CDK19: variants seen among roughly 807,000 people sequenced by gnomAD.
CDK19 encodes the protein cyclin-dependent kinase 19.
CDK19 carries 20 observed loss-of-function variants against 68.3 expected under a neutral mutation model. That is an observed-to-expected ratio of 0.29 (90% CI 0.21 to 0.43). The LOEUF (loss-of-function observed/expected upper bound fraction) is 0.43, where lower values mean the gene tolerates loss of function less well. Among genes scored for constraint, CDK19 ranks in the 20% least tolerant of loss-of-function variants. The pLI is 1.00. For missense variants in CDK19, 339 were observed against 623.5 expected, an observed-to-expected ratio of 0.54 and a Z score of 4.86; for synonymous variants, 221 against 222.8, an observed-to-expected ratio of 0.99 and a Z score of 0.07.
At chr6:110,624,114 T>C (rs1301066481) in intron 8 of CDK19, among the ~76,000 whole-genome samples, 1 of 151,888 alleles carries the variant, frequency 6.6e-6, no homozygotes, top group African/African-American at 2.4e-5. Flanking sequence ...TTATAAAAAG[T>C]TGAAAGACAA....
At chr6:110,663,528 A>G (rs1049171474) in intron 4 of CDK19, among the ~76,000 whole-genome samples, 10 of 149,514 alleles carry the variant, frequency 6.7e-5, no homozygotes, top group Admixed American at 4.6e-4. Flanking sequence ...CTGTTGGTTC[A>G]AAGTTTCTTT....
chr6:110,787,491 G>A (rs1391018300), intron 1 of CDK19, among the ~76,000 whole-genome samples: 1 of 152,142 alleles, frequency 6.6e-6, no homozygotes, highest in Non-Finnish European at 1.5e-5. Context: ...CTGTCACCCA[G>A]GCTGGAGTGC....
At chr6:110,615,699 C>T (rs115248209) in intron 12 of CDK19, among the ~76,000 whole-genome samples, 55 of 152,288 alleles carry the variant, frequency 3.6e-4, no homozygotes, top group African/African-American at 1.3e-3. Context: ...CATCCCAAAA[C>T]TAAACTGCCT....
At chr6:110,727,467 T>G (rs1180854976) in intron 2 of CDK19, among the ~76,000 whole-genome samples, 2 of 152,146 alleles carry the variant, frequency 1.3e-5, no homozygotes, top group African/African-American at 2.4e-5. Context: ...TTCAAAAATG[T>G]GTCTTATCTT....
chr6:110,785,840 C>T (rs1583098273), intron 1 of CDK19, among the ~76,000 whole-genome samples: 1 of 151,986 alleles, frequency 6.6e-6, no homozygotes, highest in Non-Finnish European at 1.5e-5. Context: ...ATCAGCCAGG[C>T]GTGCTGGCAC....
At chr6:110,732,106 A>G (rs1194744553) in intron 2 of CDK19, among the ~76,000 whole-genome samples, 1 of 135,262 alleles carries the variant, frequency 7.4e-6, no homozygotes, top group Non-Finnish European at 1.6e-5. Flanking sequence ...AAACTGCGCC[A>G]TCTAGCTAAC....
intron 2 of CDK19, among the ~76,000 whole-genome samples, chr6:110,716,270 C>T (rs6568654): frequency 0.97 from 147,172 of 152,232 alleles, 71,321 homozygotes; most frequent in Middle Eastern, 1. Context: ...TATTAGAGTA[C>T]GTAGCATGAT....
At chr6:110,767,064 T>C (rs1238486902) in intron 1 of CDK19, among the ~76,000 whole-genome samples, 2 of 151,456 alleles carry the variant, frequency 1.3e-5, no homozygotes, top group Admixed American at 6.6e-5. Context: ...AACCAGAAGG[T>C]GGAGGTTGCA....
chr6:110,810,500 T>A (rs1783004262), intron 1 of CDK19, among the ~76,000 whole-genome samples: 1 of 152,054 alleles, frequency 6.6e-6, no homozygotes, highest in African/African-American at 2.4e-5. Context: ...CATGGCCAGG[T>A]AAGGTGGCTC....
At chr6:110,646,257 C>T (rs1453103691) in intron 4 of CDK19, 4 of 1,502,124 alleles carry the variant, frequency 2.7e-6, no homozygotes, top group Admixed American at 4.2e-5. Context: ...GTTCCACACA[C>T]ATAGTTGCGT....
At chr6:110,718,402 GA>G (rs1169772995) in intron 2 of CDK19, among the ~76,000 whole-genome samples, 3 of 152,148 alleles carry the variant, frequency 2.0e-5, no homozygotes, top group Admixed American at 6.5e-5. Flanking sequence ...CTATGTCAGT[GA>G]AAACAAGACT....
At chr6:110,802,629 T>C (rs1782419738) in intron 1 of CDK19, among the ~76,000 whole-genome samples, 1 of 152,174 alleles carries the variant, frequency 6.6e-6, no homozygotes, top group African/African-American at 2.4e-5. Flanking sequence ...CATTATGCAA[T>C]ATACCCATGT....
intron 4 of CDK19, among the ~76,000 whole-genome samples, chr6:110,660,177 AT>A (rs1781532204): frequency 6.6e-6 from 1 of 152,156 alleles, no homozygotes; most frequent in Non-Finnish European, 1.5e-5. Flanking sequence ...GTGAAACAGG[AT>A]ATTTCCCTGA....
At chr6:110,710,172 A>G (rs924987317) in intron 2 of CDK19, among the ~76,000 whole-genome samples, 13 of 152,234 alleles carry the variant, frequency 8.5e-5, no homozygotes, top group African/African-American at 3.1e-4. Context: ...AAAAGTAGTC[A>G]TTTATAACAA....
chr6:110,738,102 T>C (rs1690209437), intron 2 of CDK19, among the ~76,000 whole-genome samples: 2 of 152,232 alleles, frequency 1.3e-5, no homozygotes, highest in African/African-American at 4.8e-5. Context: ...TTTGATTTTG[T>C]CCCTTTCACA....
At chr6:110,772,569 C>T (rs1157947064) in intron 1 of CDK19, among the ~76,000 whole-genome samples, 2 of 152,152 alleles carry the variant, frequency 1.3e-5, no homozygotes, top group Non-Finnish European at 2.9e-5. Context: ...CAGAATCTAT[C>T]TAAAAACTAG....
intron 5 of CDK19, 126 bp from the exon 6 acceptor site, chr6:110,632,287 C>G: frequency 1.5e-6 from 1 of 673,948 alleles, no homozygotes; most frequent in South Asian, 2.0e-5. Flanking sequence ...ACAATAGCTG[C>G]TGACCTTATA....
chr6:110,784,661 T>C (rs1236170010), intron 1 of CDK19, among the ~76,000 whole-genome samples: 1 of 152,044 alleles, frequency 6.6e-6, no homozygotes, highest in Non-Finnish European at 1.5e-5. Context: ...CTGAAACATA[T>C]GGCCCAACAA....
At chr6:110,746,365 T>C (rs1348721930) in intron 1 of CDK19, among the ~76,000 whole-genome samples, 164 bp from the exon 2 acceptor site, 6 of 152,176 alleles carry the variant, frequency 3.9e-5, no homozygotes, top group Admixed American at 2.0e-4. Context: ...ACTACAGAAA[T>C]ATGAGATACC....
Sources: gnomAD v4.1 joint callset for allele counts (sites outside exome capture counted in the v4.1 genomes callset) on GRCh38, gnomAD v4.1.1 for gene constraint, MANE v1.5 for transcripts, NCBI Gene and HGNC (gene_info 2026-07-23, HGNC 2026-07-21) for gene names.